Variants in LDHB observed in about 807,000 individuals in gnomAD.
LDHB encodes the protein lactate dehydrogenase B, also known as L-lactate dehydrogenase B chain.
A neutral mutation model predicts 33.4 loss-of-function variants in LDHB; 18 were observed. That is an observed-to-expected ratio of 0.54 (90% CI 0.37 to 0.80). The LOEUF is 0.80. Ranked by LOEUF, LDHB falls within the 30% of genes least tolerant of loss-of-function variation. The pLI is 0.00. For synonymous variants in LDHB, 121 were observed against 140.6 expected (o/e 0.86, Z 0.98); for missense variants, 345 against 407.9 (o/e 0.85, Z 1.33).
At chr12:21,651,471 C>G (rs552196295) in intron 2 of LDHB, among the ~76,000 whole-genome samples, 10 of 152,322 alleles carry the variant, frequency 6.6e-5, no homozygotes, top group African/African-American at 2.2e-4. Context: ...CTTCGCGAAT[C>G]TGGCTAATGC....
chr12:21,650,961 C>T (rs1938674252), intron 2 of LDHB, among the ~76,000 whole-genome samples: 2 of 152,218 alleles, frequency 1.3e-5, no homozygotes, highest in South Asian at 2.1e-4. Context: ...TATTTTATAT[C>T]GGAAGGCAGG....
intron 3 of LDHB, among the ~76,000 whole-genome samples, 194 bp downstream of exon 3, chr12:21,646,705 A>G (rs963374636): frequency 1.3e-5 from 2 of 152,148 alleles, no homozygotes; most frequent in African/African-American, 2.4e-5. Flanking sequence ...TTATAATTAT[A>G]TAACAATTTT....
At chr12:21,644,166 C>A (rs1316675607) in intron 3 of LDHB, 58 bp from the exon 4 acceptor site, 2 of 1,244,752 alleles carry the variant, frequency 1.6e-6, no homozygotes, top group African/African-American at 1.5e-5. Context: ...TATAACATAA[C>A]CTATATGACA....
chr12:21,655,900 T>C (rs892514701), intron 1 of LDHB, among the ~76,000 whole-genome samples: 2 of 152,204 alleles, frequency 1.3e-5, no homozygotes, highest in Non-Finnish European at 2.9e-5. Flanking sequence ...ACACTAAATA[T>C]ATACCACCCT....
chr12:21,646,715 T>A (rs559314010), intron 3 of LDHB, among the ~76,000 whole-genome samples, 184 bp downstream of exon 3: 1 of 152,142 alleles, frequency 6.6e-6, no homozygotes, highest in Non-Finnish European at 1.5e-5. Flanking sequence ...ATAACAATTT[T>A]GCAATAATCT....
At chr12:21,642,612 G>A (rs377684732) in intron 4 of LDHB, among the ~76,000 whole-genome samples, 21 of 152,238 alleles carry the variant, frequency 1.4e-4, no homozygotes, top group African/African-American at 3.1e-4. Flanking sequence ...GTGATAATAC[G>A]TAGTATTAAA....
At chr12:21,640,651 G>A (rs945506326) in intron 5 of LDHB, among the ~76,000 whole-genome samples, 3 of 152,120 alleles carry the variant, frequency 2.0e-5, no homozygotes, top group Middle Eastern at 3.4e-3. Flanking sequence ...GGGCCTAGAA[G>A]CAAAGATATA....
At chr12:21,656,330 G>A (rs752692884) in intron 1 of LDHB, among the ~76,000 whole-genome samples, 9 of 152,214 alleles carry the variant, frequency 5.9e-5, no homozygotes, top group Non-Finnish European at 1.2e-4. Flanking sequence ...GTTAAAGAGA[G>A]AAGATGCAAT....
rs11547923 is a variant in LDHB at position 21,643,980 on chromosome 12, C to T, written c.376G>A (p.Val126Ile). ...ATGATGCAATCAGGACTGTACTTGA[C>T]GATCTGAGGAATAATGAATTTGAAG... ...NVFKFIIPQI[V>I]KYSPDCIIIV... Residue 126 changes from valine to isoleucine, a missense_variant, in exon 4 of 8, where the codon GTC becomes ATC. Val to Ile is a conservative substitution (Grantham distance 29). Transcript: ENST00000350669. 2.3e-5 allele frequency: 37 copies of T among 1,612,592 alleles called. No homozygotes were observed. Among genetic ancestry groups the T allele is most frequent in the South Asian group, 2.2e-5 (2 of 91,044 alleles).
chr12:21,646,903 ATCTGCCACAATTTTAGGTG>A lies in LDHB; in HGVS notation c.224_242del (p.Thr75IlefsTer6), dbSNP rs1157495023. On this transcript the variant is annotated frameshift_variant, in exon 3 of 8. Coordinates refer to ENST00000350669, the MANE Select transcript of LDHB (RefSeq NM_002300.8). LOFTEE classifies it high-confidence loss of function. ...TTGGGCATTAAGTGAAATTACCTTT[ATCTGCCACAATTTTAGGTG>A]TCTGAAGAAATAAGCTCCCATGCTG... The A allele has an allele frequency of 1.9e-6, 3 of 1,591,414 alleles. No individual in the cohort carries two copies. The highest frequency in any genetic ancestry group is 2.6e-6 in the Non-Finnish European group (3 of 1,159,546).
At chr12:21,651,680 T>C (rs1938694806) in intron 2 of LDHB, among the ~76,000 whole-genome samples, 1 of 152,210 alleles carries the variant, frequency 6.6e-6, no homozygotes, top group Admixed American at 6.5e-5. Context: ...AATGAAGTAA[T>C]ATACAAACAC....
intron 1 of LDHB, among the ~76,000 whole-genome samples, chr12:21,654,967 GAA>G (rs1349694665): frequency 6.6e-6 from 1 of 151,962 alleles, no homozygotes; most frequent in East Asian, 1.9e-4. Flanking sequence ...CTAAAAAAAA[GAA>G]AATTAGCTGG....
chr12:21,656,994 T>C (rs1171291863), intron 1 of LDHB: 1 of 131,046 alleles, frequency 7.6e-6, no homozygotes, highest in Admixed American at 8.2e-5. Flanking sequence ...TTACTGCAGC[T>C]TGTACTGCTC....
chr12:21,651,731 A>G (rs1396604143), intron 2 of LDHB, among the ~76,000 whole-genome samples: 1 of 152,210 alleles, frequency 6.6e-6, no homozygotes, highest in African/African-American at 2.4e-5. Context: ...AGCTAGTGGG[A>G]TTTCTAATCT....
rs4828 is a variant in LDHB at position 21,635,668 on chromosome 12, T to C, written c.879A>G (p.Pro293=). ...TTAATCCCCGGGCATTGAGGATACA[T>C]GGAAGGCTCAGGAAGACTTCATTCT... The part of the protein sequence containing the change: ...GIENEVFLSL[P]CILNARGLTS... The change falls in exon 8 of 8, where the codon CCA becomes CCG. Residue 293 remains proline, a synonymous_variant. Coordinates refer to ENST00000350669, the MANE Select transcript of LDHB (RefSeq NM_002300.8). 3.4e-3 allele frequency: 5,489 copies of C among 1,613,708 alleles called. 168 individuals carry two copies. The African/African-American group carries it at 0.065, about 19-fold the overall frequency.
In LDHB at chr12:21,637,133, C is replaced by T. The variant is rs762586092; in HGVS notation, c.775G>A (p.Asp259Asn). Residue 259 changes from aspartate to asparagine, a missense_variant, in exon 7 of 8, where the codon GAT becomes AAT. Physicochemically the swap from Asp to Asn is conservative, Grantham distance 23 (BLOSUM62 1). Coordinates refer to ENST00000350669, the MANE Select transcript of LDHB (RefSeq NM_002300.8). Reference sequence around the variant, plus strand: ...TTTTTCAACATGGATTCAATAAGATCAGCCACACTTAATCCAATAGCCCAG... The same window carrying T: ...TTTTTCAACATGGATTCAATAAGATTAGCCACACTTAATCCAATAGCCCAG... ...TNWAIGLSVADLIESMLKNLS... is the reference protein window; with the variant it reads ...TNWAIGLSVANLIESMLKNLS... The T allele has an allele frequency of 5.0e-6, 8 of 1,605,346 alleles. No individual in the cohort carries two copies. The East Asian group carries it at 1.8e-4, about 36-fold the overall frequency.
rs1385268220 is a variant in LDHB, at chr12:21,646,970, A to C, written c.176T>G (p.Leu59Arg). The change falls in exon 3 of 8, where the codon CTT becomes CGT. Residue 59 changes from leucine (L) to arginine (R), a missense_variant. By Grantham distance (102) the Leu-to-Arg change is moderately radical. Coordinates refer to ENST00000350669, the MANE Select transcript of LDHB (RefSeq NM_002300.8). ...CTGCAGATCCATCATTTCTCCTTTAAGCTTATCTTCCAAAACATCCACAAG... is the reference window on the plus strand; with the variant it reads ...CTGCAGATCCATCATTTCTCCTTTACGCTTATCTTCCAAAACATCCACAAG... ...LALVDVLEDK[L>R]KGEMMDLQHG... 6.2e-7 allele frequency: 1 copy of C among 1,613,792 alleles called. No individual in the cohort carries two copies. The highest frequency in any genetic ancestry group is 8.5e-7 in the Non-Finnish European group (1 of 1,179,878).
intron 3 of LDHB, among the ~76,000 whole-genome samples, chr12:21,645,293 C>T (rs1308885194): frequency 6.6e-6 from 1 of 152,204 alleles, no homozygotes; most frequent in Non-Finnish European, 1.5e-5. Context: ...GGTTTCTCCC[C>T]ACGTGATAGT....
intron 2 of LDHB, among the ~76,000 whole-genome samples, chr12:21,653,355 T>G (rs1938747429): frequency 6.6e-6 from 1 of 152,198 alleles, no homozygotes; most frequent in South Asian, 2.1e-4. Flanking sequence ...GAGCCAGTAC[T>G]GAATCTAGAG....
Sources: gnomAD v4.1 joint callset for allele counts (sites outside exome capture counted in the v4.1 genomes callset) on GRCh38, gnomAD v4.1.1 for gene constraint, MANE v1.5 for transcripts, NCBI Gene and HGNC (gene_info 2026-07-23, HGNC 2026-07-21) for gene names.